Variants in NALCN observed in about 807,000 individuals in gnomAD.
NALCN encodes the protein sodium leak channel, non-selective.
Under a neutral mutation model 225.3 loss-of-function variants are expected in NALCN, and 111 were observed. The observed-to-expected ratio is 0.49, with a 90% CI of 0.42 to 0.58. The LOEUF (loss-of-function observed/expected upper bound fraction) is 0.58, where lower values mean the gene tolerates loss of function less well. NALCN is among the 20% of genes least tolerant of loss of function. NALCN has a pLI of 0.00. For missense variants in NALCN, 1,378 were observed against 2,202.4 expected, an observed-to-expected ratio of 0.63 and a Z score of 7.49; for synonymous variants, 764 against 769.0, an observed-to-expected ratio of 0.99 and a Z score of 0.11.
At chr13:101,240,353 CTCTA>C (rs202187462) in intron 11 of NALCN, among the ~76,000 whole-genome samples, 2,312 of 151,762 alleles carry the variant, frequency 0.015, 24 homozygotes, top group African/African-American at 0.029. Context: ...CTCTCTCTCT[CTCTA>C]TCTATCTATG....
At chr13:101,223,627 G>T (rs112044377) in intron 13 of NALCN, among the ~76,000 whole-genome samples, 24 of 152,162 alleles carry the variant, frequency 1.6e-4, no homozygotes, top group African/African-American at 3.6e-4. Context: ...CTTCAGAAAA[G>T]GTTGAAAAAA....
At chr13:101,158,753 T>C (rs180935339) in intron 15 of NALCN, among the ~76,000 whole-genome samples, 1 of 152,232 alleles carries the variant, frequency 6.6e-6, no homozygotes, top group African/African-American at 2.4e-5. Context: ...TCTGTTTGAC[T>C]GGTACTCCTC....
chr13:101,379,974 T>A (rs1440313062), intron 3 of NALCN, among the ~76,000 whole-genome samples: 1 of 152,102 alleles, frequency 6.6e-6, no homozygotes, highest in Non-Finnish European at 1.5e-5. Context: ...TTGGGAGATT[T>A]CAACACCTTG....
chr13:101,164,529 G>A (rs548741019), intron 15 of NALCN, among the ~76,000 whole-genome samples: 68 of 152,140 alleles, frequency 4.5e-4, no homozygotes, highest in Non-Finnish European at 9.3e-4. Context: ...GGGCTCAAGC[G>A]ATCCTCCCAC....
In NALCN at chr13:101,095,678, T is replaced by C. The variant is rs749060016; in HGVS notation, c.3165A>G (p.Glu1055=). The change falls in exon 28 of 44, where the codon GAA becomes GAG. Residue 1055 remains glutamate (E), a splice_region_variant and synonymous_variant. Coordinates refer to ENST00000251127, the MANE Select transcript of NALCN (RefSeq NM_052867.4). ...KCNDPNIIRR[E]DCNGIFRINV... ...TAATTCTGAATATGCCATTGCAATC[T>C]TCCTAAAGTAGAAAAACAAGAGGAG... The C allele has an allele frequency of 3.1e-6, 5 of 1,607,774 alleles. No individual in the cohort carries two copies. Among genetic ancestry groups the C allele is most frequent in the Non-Finnish European group, 4.2e-6 (5 of 1,176,878 alleles).
chr13:101,346,057 TTCTCTC>T lies in NALCN; in HGVS notation c.645-643_645-638del, dbSNP rs767899309. Reference sequence around the variant, plus strand: ...TATATATATGAGACCTTGAGAGACTTTCTCTCTCTCTCTCTCTCTCTCTCTCTCTCT... The same window carrying T: ...TATATATATGAGACCTTGAGAGACTTTCTCTCTCTCTCTCTCTCTCTCTCT... On this transcript the variant is annotated intron_variant, in intron 6 of 43. Coordinates refer to ENST00000251127, the MANE Select transcript of NALCN (RefSeq NM_052867.4). 2.5e-3 allele frequency among the ~76,000 whole-genome samples: 192 copies of T among 75,558 alleles called. 2 individuals are homozygous for T. Among genetic ancestry groups the T allele is most frequent in the African/African-American group, 8.7e-3 (174 of 19,954 alleles). 49.6% of individuals were successfully genotyped at this position (75,558 alleles called of 152,430 possible). A position where few individuals can be genotyped will look rare whatever the true frequency, so the allele number is the denominator to read the frequency against.
intron 22 of NALCN, among the ~76,000 whole-genome samples, chr13:101,106,308 G>A (rs996789830): frequency 6.6e-6 from 1 of 152,110 alleles, no homozygotes; most frequent in Non-Finnish European, 1.5e-5. Flanking sequence ...GGTTCTGAGG[G>A]TTTGGACTCT....
chr13:101,278,596 T>G (rs538834730), intron 10 of NALCN, among the ~76,000 whole-genome samples: 1 of 151,540 alleles, frequency 6.6e-6, no homozygotes, highest in African/African-American at 2.4e-5. Context: ...ACTATATTTC[T>G]AAACATAAGA....
At chr13:101,303,902 T>C (rs1188521754) in intron 7 of NALCN, among the ~76,000 whole-genome samples, 1 of 152,178 alleles carries the variant, frequency 6.6e-6, no homozygotes, top group Non-Finnish European at 1.5e-5. Flanking sequence ...CTGGGAGGAA[T>C]ACAGAAAAAT....
intron 6 of NALCN, chr13:101,368,867 G>A (rs1413985712): frequency 1.7e-5 from 3 of 180,848 alleles, no homozygotes; most frequent in Non-Finnish European, 3.6e-5. Flanking sequence ...TTACCCGGGT[G>A]TGGTGGCACA....
At chr13:101,353,558 A>C (rs2045965809) in intron 6 of NALCN, among the ~76,000 whole-genome samples, 1 of 152,224 alleles carries the variant, frequency 6.6e-6, no homozygotes, top group African/African-American at 2.4e-5. Flanking sequence ...GAAAACTTTC[A>C]ATGGCTCCGC....
chr13:101,183,444 G>C (rs2039320633), intron 14 of NALCN, among the ~76,000 whole-genome samples: 1 of 152,130 alleles, frequency 6.6e-6, no homozygotes, highest in South Asian at 2.1e-4. Flanking sequence ...TTAGATTTAT[G>C]TGATATTTCT....
intron 12 of NALCN, among the ~76,000 whole-genome samples, chr13:101,236,346 T>A (rs559010899): frequency 6.6e-6 from 1 of 152,308 alleles, no homozygotes; most frequent in Non-Finnish European, 1.5e-5. Context: ...CTTGTGGAAG[T>A]CAGTGTGGCG....
intron 6 of NALCN, among the ~76,000 whole-genome samples, chr13:101,348,124 T>C (rs1242623985): frequency 6.6e-6 from 1 of 152,146 alleles, no homozygotes; most frequent in Non-Finnish European, 1.5e-5. Context: ...AAAAATACAA[T>C]AGCAGAAATG....
intron 15 of NALCN, among the ~76,000 whole-genome samples, chr13:101,170,568 T>A (rs989631966): frequency 3.9e-5 from 6 of 152,198 alleles, no homozygotes; most frequent in African/African-American, 1.4e-4. Flanking sequence ...AAGAAAAACA[T>A]TCACCTAGAG....
Position 101,142,805 on chromosome 13 carries a change from G to A in NALCN, c.2118+275C>T, listed in dbSNP as rs571207320. 37 of 415,932 alleles carry A rather than the reference G, an allele frequency of 8.9e-5. No individual in the cohort carries two copies. In the East Asian group the frequency reaches 1.6e-3, roughly 18 times the overall value. The allele number at this position is 415,932 out of a possible 1,614,324, so 25.8% of individuals were successfully genotyped here. On this transcript the variant is annotated intron_variant, in intron 17 of 43. Coordinates refer to ENST00000251127, the MANE Select transcript of NALCN (RefSeq NM_052867.4). ...CTTGGAGATCCCAGCCCTTTATTCC[G>A]CACCTGAGAAAATGCAGATTTGGGA...
At chr13:101,056,326 T>C (rs1254785289) in intron 43 of NALCN, among the ~76,000 whole-genome samples, 1 of 134,598 alleles carries the variant, frequency 7.4e-6, no homozygotes, top group Non-Finnish European at 1.6e-5. Context: ...AGCGGCACAA[T>C]CTTGGTTCAC....
At chr13:101,337,809 GT>G (rs1566591245) in intron 7 of NALCN, among the ~76,000 whole-genome samples, 1 of 152,144 alleles carries the variant, frequency 6.6e-6, no homozygotes, top group African/African-American at 2.4e-5. Context: ...CTCTGGTAAC[GT>G]AGTAGTTTGT....
chr13:101,147,386 G>C (rs971165584), intron 15 of NALCN, among the ~76,000 whole-genome samples: 42 of 112,082 alleles, frequency 3.7e-4, no homozygotes, highest in African/African-American at 1.3e-3. Context: ...ATGGAGTCTT[G>C]CTCTGTCTCC....
Sources: gnomAD v4.1 joint callset for allele counts (sites outside exome capture counted in the v4.1 genomes callset) on GRCh38, gnomAD v4.1.1 for gene constraint, MANE v1.5 for transcripts, NCBI Gene and HGNC (gene_info 2026-07-23, HGNC 2026-07-21) for gene names.